CCBE1: variants seen among roughly 807,000 people sequenced by gnomAD.
CCBE1 encodes collagen and calcium binding EGF domains 1.
CCBE1 carries 37 observed loss-of-function variants against 50.0 expected under a neutral mutation model. The observed-to-expected ratio is 0.74, with a 90% CI of 0.57 to 0.97. The LOEUF is 0.97. Among genes scored for constraint, CCBE1 ranks in the 50% least tolerant of loss-of-function variants. The pLI, the probability that CCBE1 is intolerant of heterozygous loss-of-function variation, is 0.00. For missense variants in CCBE1, 538 were observed against 523.8 expected (o/e 1.03, Z -0.26); for synonymous variants, 234 against 203.7 (o/e 1.15, Z -1.27).
At chr18:59,510,407 T>A (rs1314029795) in intron 2 of CCBE1, among the ~76,000 whole-genome samples, 1 of 152,162 alleles carries the variant, frequency 6.6e-6, no homozygotes, top group African/African-American at 2.4e-5. Context: ...TATGAATAAT[T>A]TTTAAGTTGC....
rs1440707863 is a variant in CCBE1 at position 59,458,117 on chromosome 18, CATCA to C, written c.554-3170_554-3167del. Among the ~76,000 whole-genome samples the C allele has an allele frequency of 7.5e-5, 5 of 66,838 alleles. No individual in the cohort carries two copies. In the South Asian group the frequency reaches 1.6e-3, roughly 21 times the overall value. The allele number at this position is 66,838 out of a possible 152,430, so 43.8% of individuals were successfully genotyped here. On this transcript the variant is annotated intron_variant, in intron 5 of 10. Transcript: ENST00000439986. ...AATACCATCATCAATCTAGTCTGTC[CATCA>C]ATCCATCCATCCATCCATCCATCCA... is the stretch of plus-strand genomic sequence containing the variant.
chr18:59,488,869 TTG>T (rs1309457540), intron 2 of CCBE1, among the ~76,000 whole-genome samples: 1 of 152,072 alleles, frequency 6.6e-6, no homozygotes, highest in Admixed American at 6.5e-5. Flanking sequence ...GTTTTTCCTG[TTG>T]TGTCTCCCCC....
chr18:59,481,713 G>T (rs1362567773), intron 2 of CCBE1, among the ~76,000 whole-genome samples: 1 of 152,098 alleles, frequency 6.6e-6, no homozygotes, highest in African/African-American at 2.4e-5. Flanking sequence ...AGAATATCCA[G>T]TGAAAATATC....
At chr18:59,465,939 A>C (rs528656787) in intron 5 of CCBE1, among the ~76,000 whole-genome samples, 2 of 152,190 alleles carry the variant, frequency 1.3e-5, no homozygotes, top group Non-Finnish European at 2.9e-5. Context: ...ACTAGCTTAC[A>C]ACCCTTGAGC....
chr18:59,655,626 T>A (rs948145991), intron 2 of CCBE1, among the ~76,000 whole-genome samples: 4 of 152,184 alleles, frequency 2.6e-5, no homozygotes, highest in African/African-American at 4.8e-5. Context: ...GGTGTGGCTA[T>A]GTTCCAATAA....
intron 6 of CCBE1, among the ~76,000 whole-genome samples, chr18:59,452,220 T>C (rs1325647501): frequency 1.3e-5 from 2 of 152,210 alleles, no homozygotes; most frequent in African/African-American, 4.8e-5. Flanking sequence ...CATCTCCTTC[T>C]TGGCTAATGT....
intron 2 of CCBE1, among the ~76,000 whole-genome samples, chr18:59,582,874 A>G (rs2053105690): frequency 6.6e-6 from 1 of 152,196 alleles, no homozygotes; most frequent in East Asian, 1.9e-4. Flanking sequence ...GTGCAGTGGC[A>G]CTATCATAGC....
chr18:59,696,930 G>A (rs528898360), intron 1 of CCBE1, among the ~76,000 whole-genome samples: 1 of 152,306 alleles, frequency 6.6e-6, no homozygotes, highest in South Asian at 2.1e-4. Context: ...GAAAGGAAGC[G>A]GGGTTCACGA....
chr18:59,479,017 A>G (rs187855311), intron 3 of CCBE1, among the ~76,000 whole-genome samples: 2 of 152,318 alleles, frequency 1.3e-5, no homozygotes, highest in Admixed American at 6.5e-5. Context: ...CCTTCCACAG[A>G]AAACAGCGAT....
chr18:59,447,809 G>C (rs1475348295), intron 7 of CCBE1, among the ~76,000 whole-genome samples, 174 bp downstream of exon 7: 1 of 152,214 alleles, frequency 6.6e-6, no homozygotes, highest in Admixed American at 6.5e-5. Flanking sequence ...TCTCAGGCTT[G>C]AGGGCCTATT....
At chr18:59,540,625 T>C (rs1043378240) in intron 2 of CCBE1, among the ~76,000 whole-genome samples, 8 of 152,210 alleles carry the variant, frequency 5.3e-5, no homozygotes, top group East Asian at 1.9e-4. Context: ...CTTCCACAAA[T>C]GAACCCAATC....
chr18:59,496,754 T>C (rs577630738), intron 2 of CCBE1, among the ~76,000 whole-genome samples: 3 of 152,338 alleles, frequency 2.0e-5, no homozygotes, highest in African/African-American at 7.2e-5. Flanking sequence ...AGCCACCTTG[T>C]CCAGCTAAGC....
At chr18:59,436,258 A>C in intron 10 of CCBE1, 117 bp from the exon 11 acceptor site, 2 of 866,704 alleles carry the variant, frequency 2.3e-6, no homozygotes, top group Non-Finnish European at 3.8e-6. Context: ...TGTGCCCCAA[A>C]TGGAGCCAAT....
At chr18:59,558,851 G>T (rs1306517964) in intron 2 of CCBE1, among the ~76,000 whole-genome samples, 1 of 152,242 alleles carries the variant, frequency 6.6e-6, no homozygotes, top group Non-Finnish European at 1.5e-5. Context: ...TGGACAGTGG[G>T]AGAGTAAACT....
intron 2 of CCBE1, among the ~76,000 whole-genome samples, chr18:59,513,691 C>T (rs1047050066): frequency 5.3e-5 from 8 of 152,214 alleles, no homozygotes; most frequent in African/African-American, 1.9e-4. Context: ...TGAAAATTAG[C>T]AATGGCTACA....
intron 2 of CCBE1, among the ~76,000 whole-genome samples, chr18:59,493,654 C>T (rs1913215141): frequency 6.6e-6 from 1 of 152,128 alleles, no homozygotes; most frequent in Non-Finnish European, 1.5e-5. Context: ...GAGCCCACCT[C>T]TTCCCTGAAC....
intron 2 of CCBE1, among the ~76,000 whole-genome samples, chr18:59,531,455 C>A (rs547404875): frequency 2.6e-5 from 4 of 152,010 alleles, no homozygotes; most frequent in Non-Finnish European, 5.9e-5. Context: ...AAAATTTTGT[C>A]CCCAGGAACA....
intron 2 of CCBE1, among the ~76,000 whole-genome samples, chr18:59,598,275 G>C (rs1486094180): frequency 6.6e-6 from 1 of 152,156 alleles, no homozygotes; most frequent in Non-Finnish European, 1.5e-5. Context: ...CTTCACCCCA[G>C]AATCACCCCA....
chr18:59,625,984 T>C (rs890696858), intron 2 of CCBE1, among the ~76,000 whole-genome samples: 1 of 152,224 alleles, frequency 6.6e-6, no homozygotes, highest in African/African-American at 2.4e-5. Flanking sequence ...TCTCTTTTAC[T>C]ATATTTTTAA....
Sources: gnomAD v4.1 joint callset for allele counts (sites outside exome capture counted in the v4.1 genomes callset) on GRCh38, gnomAD v4.1.1 for gene constraint, MANE v1.5 for transcripts, NCBI Gene and HGNC (gene_info 2026-07-23, HGNC 2026-07-21) for gene names.